Variants in LOC400499 observed in about 807,000 individuals in gnomAD.
chr16:11,514,062 T>C, the LOC400499 span, among the ~76,000 whole-genome samples: 1 of 152,108 alleles, frequency 6.6e-6, no homozygotes, highest in African/African-American at 2.4e-5. Context: ...GCCCCTAAAA[T>C]GGGCAGACTG....
the LOC400499 span, among the ~76,000 whole-genome samples, chr16:11,490,784 G>A: frequency 2.0e-5 from 3 of 152,202 alleles, no homozygotes; most frequent in Admixed American, 6.5e-5. Context: ...GGAGATACGT[G>A]TGTATGTTTA....
the LOC400499 span, chr16:11,384,778 G>T: frequency 2.0e-6 from 2 of 988,772 alleles, no homozygotes; most frequent in Non-Finnish European, 2.6e-6. Flanking sequence ...AGACGAGGCC[G>T]GCAGAGGCTC....
the LOC400499 span, among the ~76,000 whole-genome samples, chr16:11,480,072 A>G: frequency 1.3e-5 from 2 of 152,168 alleles, no homozygotes; most frequent in Non-Finnish European, 2.9e-5. Flanking sequence ...AGAGCTGAGC[A>G]GTGGCTGCCA....
the LOC400499 span, chr16:11,449,242 G>C: frequency 9.1e-6 from 7 of 765,826 alleles, no homozygotes; most frequent in Admixed American, 2.3e-4. Flanking sequence ...TTTCTCTGAC[G>C]CCTAACCTGA....
At chr16:11,399,498 G>A in the LOC400499 span, 48 of 398,816 alleles carry the variant, frequency 1.2e-4, no homozygotes, top group Middle Eastern at 6.3e-4. Flanking sequence ...TGCCGCATGC[G>A]GTGCTGGCCC....
the LOC400499 span, among the ~76,000 whole-genome samples, chr16:11,457,904 A>G: frequency 1.6e-4 from 25 of 152,170 alleles, no homozygotes; most frequent in Admixed American, 5.9e-4. Context: ...AAAATAAGCC[A>G]GTCAAAAAAA....
chr16:11,398,590 TAGGCAAGAGCATGTGCCAG>T, the LOC400499 span: 1 of 1,068,288 alleles, frequency 9.4e-7, no homozygotes, highest in Non-Finnish European at 1.2e-6. Context: ...GACCCTCACC[TAGGCAAGAGCATGTGCCAG>T]GAATGTGCCG....
the LOC400499 span, among the ~76,000 whole-genome samples, chr16:11,437,892 T>C: frequency 1.3e-5 from 2 of 152,002 alleles, no homozygotes; most frequent in Admixed American, 1.3e-4. Flanking sequence ...GATAATAATG[T>C]TTGCACTCAT....
the LOC400499 span, chr16:11,392,142 G>A: frequency 5.5e-5 from 22 of 399,230 alleles, no homozygotes; most frequent in African/African-American, 3.9e-4. Context: ...TCGCAGGAAT[G>A]AAGTAGACAC....
the LOC400499 span, among the ~76,000 whole-genome samples, chr16:11,428,915 C>T: frequency 6.6e-6 from 1 of 151,436 alleles, no homozygotes; most frequent in Non-Finnish European, 1.5e-5. Context: ...TATATGCTTG[C>T]AATCTTGCAT....
chr16:11,393,156 C>CG, the LOC400499 span, among the ~76,000 whole-genome samples: 5 of 20,686 alleles, frequency 2.4e-4, no homozygotes, highest in South Asian at 2.0e-3. Flanking sequence ...GCCTGGCCAC[C>CG]CCCCCCCCTT....
chr16:11,519,707 C>CTT, the LOC400499 span, among the ~76,000 whole-genome samples: 14 of 141,780 alleles, frequency 9.9e-5, no homozygotes, highest in Non-Finnish European at 9.3e-5. Flanking sequence ...TGTGACTCCA[C>CTT]TTTTTTTTTT....
the LOC400499 span, chr16:11,446,432 A>T: frequency 1.1e-6 from 1 of 906,192 alleles, no homozygotes; most frequent in Non-Finnish European, 1.7e-6. Flanking sequence ...AGCTAAGATT[A>T]CAGGTGTGAG....
the LOC400499 span, among the ~76,000 whole-genome samples, chr16:11,376,915 T>G: frequency 1.3e-5 from 2 of 150,878 alleles, no homozygotes; most frequent in Non-Finnish European, 2.9e-5. Flanking sequence ...TCCTATTTTA[T>G]TCTTTTTGAT....
At chr16:11,478,283 C>T in the LOC400499 span, among the ~76,000 whole-genome samples, 1 of 151,740 alleles carries the variant, frequency 6.6e-6, no homozygotes, top group Non-Finnish European at 1.5e-5. Context: ...CCGCCCCAGC[C>T]TCCCAAAGTG....
At chr16:11,450,695 G>C in the LOC400499 span, 2 of 1,536,160 alleles carry the variant, frequency 1.3e-6, no homozygotes, top group Non-Finnish European at 1.7e-6. Context: ...CTGACCACCA[G>C]GTCCTTTAGG....
the LOC400499 span, among the ~76,000 whole-genome samples, chr16:11,416,712 G>C: frequency 6.6e-6 from 1 of 152,182 alleles, no homozygotes; most frequent in East Asian, 1.9e-4. Flanking sequence ...GCCTCCCTGA[G>C]ATGCCATTGG....
At chr16:11,407,675 T>C in the LOC400499 span, among the ~76,000 whole-genome samples, 5 of 152,208 alleles carry the variant, frequency 3.3e-5, no homozygotes, top group African/African-American at 1.2e-4. Context: ...GCAGAAAGAA[T>C]TATGCCTGGG....
the LOC400499 span, among the ~76,000 whole-genome samples, chr16:11,499,695 G>C: frequency 2.0e-5 from 3 of 152,124 alleles, no homozygotes; most frequent in Admixed American, 6.5e-5. Context: ...TACCAATGCA[G>C]GGGTCTCTGA....
Sources: allele counts gnomAD v4.1 joint callset (sites outside exome capture counted in the v4.1 genomes callset), GRCh38; gene constraint gnomAD v4.1.1; transcripts MANE v1.5.